The following PRR16 variants were observed in gnomAD, a reference collection of about 807,000 sequenced individuals.
PRR16 encodes the protein protein Largen.
In PRR16, 6 loss-of-function variants were observed where a neutral mutation model predicts 18.2. The observed-to-expected ratio is 0.33, with a 90% CI of 0.18 to 0.65. The LOEUF is 0.65. Ranked by LOEUF, PRR16 falls within the 30% of genes least tolerant of loss-of-function variation. The pLI is 0.74. For synonymous variants in PRR16, 151 were observed against 147.8 expected (o/e 1.02, Z -0.16); for missense variants, 412 against 376.6 (o/e 1.09, Z -0.78).
intron 1 of PRR16, among the ~76,000 whole-genome samples, chr5:120,478,577 C>T (rs1580620126): frequency 6.6e-6 from 1 of 152,130 alleles, no homozygotes; most frequent in East Asian, 1.9e-4. Context: ...CACATTGTCC[C>T]TCCTATGTAG....
chr5:120,753,657 T>G, the PRR16 span, among the ~76,000 whole-genome samples: 615 of 150,982 alleles, frequency 4.1e-3, 2 homozygotes, highest in Middle Eastern at 0.01. Flanking sequence ...TTTTAGTTCT[T>G]ACTATATGCC....
At position 120,491,675 on chromosome 5, in the gene PRR16, C is replaced by G. The variant is rs149088055; in HGVS notation, c.159+27030C>G. ...TCTCCTGCCTCATACTCCTGAGTAG[C>G]TGGGATTACAGCCACCCGCCACCAC... On this transcript the variant is annotated intron_variant, in intron 1 of 1. Transcript: ENST00000407149. 3.7e-3 allele frequency among the ~76,000 whole-genome samples: 561 copies of G among 152,140 alleles called. 2 individuals are homozygous for G. The highest frequency in any genetic ancestry group is 6.5e-3 in the Non-Finnish European group (445 of 68,010).
the PRR16 span, among the ~76,000 whole-genome samples, chr5:120,770,038 A>G: frequency 6.6e-6 from 1 of 151,902 alleles, no homozygotes; most frequent in African/African-American, 2.4e-5. Context: ...TCCTTTGCCC[A>G]TTTTTAAATT....
intron 1 of PRR16, chr5:120,616,958 C>T (rs900507830): frequency 9.6e-5 from 19 of 198,590 alleles, no homozygotes; most frequent in Admixed American, 3.3e-4. Flanking sequence ...GTGTAATTTC[C>T]ATCAGTATAT....
At chr5:120,464,283 G>A, upstream of PRR16, 1 of 373,658 alleles carries the variant, frequency 2.7e-6, no homozygotes, top group African/African-American at 2.1e-5. Flanking sequence ...GCCCCGAGCC[G>A]AGCGCCGCGT....
chr5:120,509,609 T>A (rs891284849), intron 1 of PRR16, among the ~76,000 whole-genome samples: 2 of 152,164 alleles, frequency 1.3e-5, no homozygotes, highest in Non-Finnish European at 2.9e-5. Context: ...TTGGAAGGGG[T>A]TAAATTTGAG....
chr5:120,552,906 G>C (rs1424205400), intron 1 of PRR16, among the ~76,000 whole-genome samples: 3 of 151,766 alleles, frequency 2.0e-5, no homozygotes, highest in African/African-American at 7.3e-5. Context: ...TTCAAATGGG[G>C]AGACCTGAGG....
chr5:120,759,802 A>G, the PRR16 span, among the ~76,000 whole-genome samples: 3 of 152,168 alleles, frequency 2.0e-5, no homozygotes, highest in Admixed American at 6.5e-5. Context: ...GTAATTTTGG[A>G]TAGGATTTAG....
chr5:120,770,970 A>C, the PRR16 span, among the ~76,000 whole-genome samples: 28 of 143,544 alleles, frequency 2.0e-4, no homozygotes, highest in East Asian at 2.2e-3. Context: ...ACACACACAC[A>C]CCTTGCATCT....
intron 1 of PRR16, among the ~76,000 whole-genome samples, chr5:120,498,673 C>T (rs751422413): frequency 6.6e-6 from 1 of 150,808 alleles, no homozygotes; most frequent in Non-Finnish European, 1.5e-5. Context: ...AAAGAACTTT[C>T]TTTAGTCATT....
chr5:120,714,743 G>A, the PRR16 span, among the ~76,000 whole-genome samples: 1 of 151,970 alleles, frequency 6.6e-6, no homozygotes, highest in African/African-American at 2.4e-5. Flanking sequence ...CCAACTCAAA[G>A]GCCCATCAAT....
downstream of PRR16, among the ~76,000 whole-genome samples, chr5:120,690,799 C>T (rs1757200343): frequency 6.6e-6 from 1 of 152,074 alleles, no homozygotes; most frequent in African/African-American, 2.4e-5. Flanking sequence ...TATCTTGAAT[C>T]AGGAGTAGCA....
the PRR16 span, among the ~76,000 whole-genome samples, chr5:120,704,748 G>C: frequency 6.6e-6 from 1 of 152,048 alleles, no homozygotes; most frequent in Admixed American, 6.6e-5. Flanking sequence ...TAGTATATCA[G>C]TAGAATTAAC....
chr5:120,787,748 A>T, the PRR16 span, among the ~76,000 whole-genome samples: 1 of 152,122 alleles, frequency 6.6e-6, no homozygotes, highest in Non-Finnish European at 1.5e-5. Context: ...CCATGTCTTT[A>T]CTGAAAATAT....
chr5:120,473,608 T>C (rs1749344237), intron 1 of PRR16, among the ~76,000 whole-genome samples: 1 of 152,196 alleles, frequency 6.6e-6, no homozygotes, highest in African/African-American at 2.4e-5. Context: ...GTCATTAGTG[T>C]TATTATTTGA....
At chr5:120,698,000 G>C in the PRR16 span, among the ~76,000 whole-genome samples, 1 of 152,130 alleles carries the variant, frequency 6.6e-6, no homozygotes, top group Non-Finnish European at 1.5e-5. Context: ...AGTCACAGGG[G>C]ATGCGATGGC....
chr5:120,489,335 C>G (rs1749936273), intron 1 of PRR16, among the ~76,000 whole-genome samples: 1 of 152,122 alleles, frequency 6.6e-6, no homozygotes, highest in African/African-American at 2.4e-5. Flanking sequence ...TCTGGGTGCT[C>G]CTGTATTGGG....
At chr5:120,495,982 A>C (rs2112835150) in intron 1 of PRR16, among the ~76,000 whole-genome samples, 1 of 152,078 alleles carries the variant, frequency 6.6e-6, no homozygotes, top group Admixed American at 6.5e-5. Context: ...AACTTAAAGA[A>C]GTTTCTCAGT....
intron 1 of PRR16, among the ~76,000 whole-genome samples, chr5:120,606,305 C>G (rs1184543153): frequency 3.9e-5 from 6 of 152,116 alleles, no homozygotes; most frequent in Admixed American, 1.3e-4. Context: ...GGAAACAGAG[C>G]AGTAGGCATC....
Sources: allele counts gnomAD v4.1 joint callset (sites outside exome capture counted in the v4.1 genomes callset), GRCh38; gene constraint gnomAD v4.1.1; transcripts MANE v1.5; gene names NCBI Gene and HGNC (gene_info 2026-07-23, HGNC 2026-07-21).